Variants in CACNA1E observed in about 807,000 individuals in gnomAD.
CACNA1E encodes the protein voltage-dependent R-type calcium channel subunit alpha-1E.
CACNA1E carries 40 observed loss-of-function variants against 259.2 expected under a neutral mutation model. The observed-to-expected ratio is 0.15, with a 90% CI of 0.12 to 0.20. The LOEUF is 0.20. Ranked by LOEUF, CACNA1E falls within the 10% of genes least tolerant of loss-of-function variation. The pLI is 1.00. For synonymous variants in CACNA1E, 1,104 were observed against 1,138.5 expected, an observed-to-expected ratio of 0.97 and a Z score of 0.61; for missense variants, 1,874 against 3,040.1, an observed-to-expected ratio of 0.62 and a Z score of 9.02.
At chr1:181,742,132 A>G (rs2102608524) in intron 25 of CACNA1E, among the ~76,000 whole-genome samples, 1 of 152,104 alleles carries the variant, frequency 6.6e-6, no homozygotes, top group Admixed American at 6.5e-5. Flanking sequence ...GGTCCAGGTA[A>G]TGCTTTCTCT....
intron 1 of CACNA1E, among the ~76,000 whole-genome samples, chr1:181,365,347 T>C (rs150348493): frequency 2.1e-4 from 32 of 152,330 alleles, no homozygotes; most frequent in African/African-American, 4.3e-4. Flanking sequence ...TAAAAATTTT[T>C]ATTTTGTAAA....
intron 2 of CACNA1E, among the ~76,000 whole-genome samples, chr1:181,473,997 G>A (rs1368795846): frequency 6.6e-6 from 1 of 152,168 alleles, no homozygotes; most frequent in African/African-American, 2.4e-5. Context: ...CACATTGTAA[G>A]TATTTAATAC....
intron 6 of CACNA1E, among the ~76,000 whole-genome samples, chr1:181,610,880 T>C (rs915428142): frequency 1.3e-5 from 2 of 152,226 alleles, no homozygotes; most frequent in Non-Finnish European, 2.9e-5. Context: ...TGCTAGGCAC[T>C]ATGTAGAGGG....
intron 7 of CACNA1E, among the ~76,000 whole-genome samples, chr1:181,707,949 A>G (rs1432817053): frequency 1.3e-5 from 2 of 152,122 alleles, no homozygotes; most frequent in African/African-American, 4.8e-5. Flanking sequence ...CTCTAAAGGG[A>G]TGGGGAAGAG....
chr1:181,615,631 T>G (rs1336347686), intron 6 of CACNA1E, among the ~76,000 whole-genome samples: 1 of 152,240 alleles, frequency 6.6e-6, no homozygotes, highest in Non-Finnish European at 1.5e-5. Flanking sequence ...CACTTACCAA[T>G]TTTAGTAGTG....
intron 3 of CACNA1E, among the ~76,000 whole-genome samples, chr1:181,511,726 C>G (rs906202502): frequency 2.0e-5 from 3 of 152,172 alleles, no homozygotes; most frequent in Non-Finnish European, 4.4e-5. Flanking sequence ...TGGTGTTAGG[C>G]AGAGGCCATG....
At chr1:181,605,742 A>C (rs934657904) in intron 6 of CACNA1E, among the ~76,000 whole-genome samples, 1 of 152,144 alleles carries the variant, frequency 6.6e-6, no homozygotes, top group Admixed American at 6.5e-5. Flanking sequence ...GGTGGGAAGA[A>C]TTGCTGAGCC....
chr1:181,774,700 C>T (rs1659819118), intron 37 of CACNA1E, among the ~76,000 whole-genome samples: 2 of 152,252 alleles, frequency 1.3e-5, no homozygotes, highest in South Asian at 4.1e-4. Context: ...CCAGCAGTCT[C>T]TGTGTTGTAG....
chr1:181,639,466 G>A (rs1558215096), intron 6 of CACNA1E, among the ~76,000 whole-genome samples: 1 of 152,196 alleles, frequency 6.6e-6, no homozygotes. Context: ...TAAGTGACAG[G>A]AAAATGTTCA....
intron 6 of CACNA1E, among the ~76,000 whole-genome samples, chr1:181,602,259 A>G (rs1414007766): frequency 6.6e-6 from 1 of 152,214 alleles, no homozygotes; most frequent in Non-Finnish European, 1.5e-5. Flanking sequence ...CACTGCTGCA[A>G]ACAGTTGATG....
At chr1:181,711,097 G>T (rs528301977) in intron 8 of CACNA1E, 28 bp downstream of exon 8, 1 of 1,474,370 alleles carries the variant, frequency 6.8e-7, no homozygotes, top group Non-Finnish European at 9.5e-7. Flanking sequence ...CAGGAGGCTG[G>T]TGAGTGGGCT....
chr1:181,566,341 G>A (rs1649820069), intron 3 of CACNA1E, among the ~76,000 whole-genome samples: 1 of 152,166 alleles, frequency 6.6e-6, no homozygotes, highest in Admixed American at 6.5e-5. Context: ...TACCTGTATG[G>A]AACAGGGCTA....
chr1:181,593,631 C>T (rs1431365683), intron 6 of CACNA1E, among the ~76,000 whole-genome samples: 3 of 152,116 alleles, frequency 2.0e-5, no homozygotes, highest in African/African-American at 4.8e-5. Context: ...CTCCTCCGCT[C>T]GGGTTCAAGC....
chr1:181,586,054 T>A (rs977987217), intron 6 of CACNA1E, among the ~76,000 whole-genome samples: 11 of 151,826 alleles, frequency 7.2e-5, no homozygotes, highest in African/African-American at 2.7e-4. Flanking sequence ...ATAAAAAAAA[T>A]GATAGAGGCT....
chr1:181,711,345 G>T (rs1441363338), intron 8 of CACNA1E, among the ~76,000 whole-genome samples: 1 of 152,152 alleles, frequency 6.6e-6, no homozygotes, highest in Non-Finnish European at 1.5e-5. Flanking sequence ...GCTGAGACTG[G>T]GCTGATGGCG....
Position 181,639,045 on chromosome 1 carries a change from T to C in CACNA1E, c.952-12293T>C, listed in dbSNP as rs139370377. 2.9e-3 allele frequency among the ~76,000 whole-genome samples: 439 copies of C among 152,282 alleles called. 3 individuals carry two copies. The highest frequency in any genetic ancestry group is 0.01 in the African/African-American group (418 of 41,558). ...TTGCATGTGGTTGTGAAGATTAATG[T>C]ATGCTATGCACCTGGTCCAATGTCC... On this transcript the variant is annotated intron_variant, in intron 6 of 47. Transcript: ENST00000367573.
intron 1 of CACNA1E, among the ~76,000 whole-genome samples, chr1:181,403,938 G>A (rs1319455940): frequency 1.3e-5 from 2 of 152,184 alleles, no homozygotes; most frequent in African/African-American, 4.8e-5. Flanking sequence ...TTCACAGTTT[G>A]CATCTGTGCA....
intron 1 of CACNA1E, among the ~76,000 whole-genome samples, chr1:181,361,554 CAA>C (rs1653886616): frequency 1.3e-5 from 2 of 152,102 alleles, no homozygotes; most frequent in Admixed American, 6.5e-5. Flanking sequence ...TGGGCAGAGG[CAA>C]CATGAAAAGG....
rs114161085 is a variant in CACNA1E at position 181,464,540 on chromosome 1, C to G, written c.435-19204C>G. On this transcript the variant is annotated intron_variant, in intron 2 of 11. Transcript: ENST00000524607. ...TGTTTTAGGTGTACCAGAACTTGTA[C>G]TTTTGTACACTGATTTCATGTCCAC... Among the ~76,000 whole-genome samples the G allele has an allele frequency of 3.4e-3, 499 of 147,276 alleles. 5 individuals are homozygous for G. Among genetic ancestry groups the G allele is most frequent in the African/African-American group, 0.012 (472 of 40,428 alleles).
Sources: gnomAD v4.1 joint callset for allele counts (sites outside exome capture counted in the v4.1 genomes callset) on GRCh38, gnomAD v4.1.1 for gene constraint, MANE v1.5 for transcripts, NCBI Gene and HGNC (gene_info 2026-07-23, HGNC 2026-07-21) for gene names.